FHOD3: variants seen among roughly 807,000 people sequenced by gnomAD.
FHOD3 encodes the protein FH1/FH2 domain-containing protein 3.
In FHOD3, 90 loss-of-function variants were observed where a neutral mutation model predicts 173.0. That is an observed-to-expected ratio of 0.52 (90% CI 0.44 to 0.62). The LOEUF (loss-of-function observed/expected upper bound fraction) is 0.62, where lower values mean the gene tolerates loss of function less well. Ranked by LOEUF, FHOD3 falls within the 20% of genes least tolerant of loss-of-function variation. The pLI is 0.00. For synonymous variants in FHOD3, 828 were observed against 823.0 expected (o/e 1.01, Z -0.10); for missense variants, 1,945 against 2,034.7 (o/e 0.96, Z 0.85).
At chr18:36,653,260 C>A in intron 12 of FHOD3, 82 bp from the exon 13 acceptor site, 2 of 1,136,918 alleles carry the variant, frequency 1.8e-6, no homozygotes, top group Admixed American at 2.4e-5. Flanking sequence ...GGCATGAAGT[C>A]TTTTTGACGC....
rs898688478 is a variant in FHOD3 at position 36,605,017 on chromosome 18, T to C, written c.813+2249T>C. Among the ~76,000 whole-genome samples, 2 of 152,344 alleles carry C rather than the reference T, an allele frequency of 1.3e-5. 1 individual carries two copies. The highest frequency in any genetic ancestry group is 6.8e-3 in the Middle Eastern group (2 of 294). On this transcript the variant is annotated intron_variant, in intron 8 of 28. Coordinates refer to ENST00000590592, the MANE Select transcript of FHOD3 (RefSeq NM_001281740.3). ...TGCCTTTTAATGAAGTATCATTTCT[T>C]GATGAACACCCAGGAAACTCCTATA...
intron 19 of FHOD3, among the ~76,000 whole-genome samples, chr18:36,728,056 A>G (rs941237587): frequency 2.1e-4 from 32 of 152,222 alleles, no homozygotes; most frequent in African/African-American, 7.2e-4. Context: ...AGCACAAGGC[A>G]TGGCCCACCA....
chr18:36,298,112 C>CG, intron 1 of FHOD3, 112 bp downstream of exon 1: 5 of 994,274 alleles, frequency 5.0e-6, no homozygotes, highest in Non-Finnish European at 6.8e-6. Context: ...GGGCGCGGCC[C>CG]GGGGGGACCA....
intron 3 of FHOD3, among the ~76,000 whole-genome samples, chr18:36,435,313 G>A (rs990218737): frequency 6.6e-6 from 1 of 151,974 alleles, no homozygotes; most frequent in Non-Finnish European, 1.5e-5. Flanking sequence ...AGAATTTAGT[G>A]CTAATGAAGG....
chr18:36,301,393 T>C (rs1273358818), intron 1 of FHOD3, among the ~76,000 whole-genome samples: 1 of 152,260 alleles, frequency 6.6e-6, no homozygotes, highest in African/African-American at 2.4e-5. Flanking sequence ...TTATTATGCT[T>C]TATCATTTTT....
intron 6 of FHOD3, among the ~76,000 whole-genome samples, chr18:36,587,995 C>T (rs749804251): frequency 6.6e-5 from 10 of 152,314 alleles, no homozygotes; most frequent in Admixed American, 2.0e-4. Context: ...CACATGGGTT[C>T]GGTGCTCATG....
chr18:36,453,495 C>G (rs973313658), intron 3 of FHOD3, among the ~76,000 whole-genome samples: 1 of 152,250 alleles, frequency 6.6e-6, no homozygotes, highest in Non-Finnish European at 1.5e-5. Context: ...TGGGCGTATG[C>G]CCCTACGTGC....
In FHOD3 at chr18:36,649,260, C is replaced by T. The variant is rs1289406188; in HGVS notation, c.1197-56C>T. Reference sequence around the variant, plus strand: ...CATCTTCCTGTTTGTCTGTAATGCTCATCTCACTTTTCCATGTTGTCTGTG... The same window carrying T: ...CATCTTCCTGTTTGTCTGTAATGCTTATCTCACTTTTCCATGTTGTCTGTG... On this transcript the variant is annotated intron_variant, in intron 10 of 28. Transcript: ENST00000590592. 4 of 1,266,958 alleles carry T rather than the reference C, an allele frequency of 3.2e-6. No individual in the cohort carries two copies. In the African/African-American group the frequency reaches 4.5e-5, roughly 14 times the overall value. The allele number at this position is 1,266,958 out of a possible 1,614,324, so 78.5% of individuals were successfully genotyped here.
intron 28 of FHOD3, chr18:36,779,238 G>T: frequency 1.7e-6 from 1 of 574,184 alleles, no homozygotes; most frequent in South Asian, 2.3e-5. Flanking sequence ...GGCATTGTTA[G>T]GCCAGCCTGT....
At chr18:36,655,181 A>G (rs2036333948) in intron 13 of FHOD3, among the ~76,000 whole-genome samples, 1 of 151,436 alleles carries the variant, frequency 6.6e-6, no homozygotes, top group South Asian at 2.1e-4. Flanking sequence ...TATCTTTCAC[A>G]CAGTTTTTGC....
intron 3 of FHOD3, among the ~76,000 whole-genome samples, chr18:36,427,644 A>G (rs1188609765): frequency 6.6e-6 from 1 of 152,180 alleles, no homozygotes; most frequent in Non-Finnish European, 1.5e-5. Context: ...AGTAGCTGCT[A>G]TGGATCACTC....
At chr18:36,775,705 C>T (rs1036545188) in intron 28 of FHOD3, among the ~76,000 whole-genome samples, 1 of 152,170 alleles carries the variant, frequency 6.6e-6, no homozygotes, top group South Asian at 2.1e-4. Flanking sequence ...AGAAAAAGAA[C>T]TTGGGTGTTT....
chr18:36,517,615 C>A (rs2056061811), intron 5 of FHOD3, among the ~76,000 whole-genome samples: 1 of 152,202 alleles, frequency 6.6e-6, no homozygotes, highest in Admixed American at 6.5e-5. Context: ...TTGGTCATTT[C>A]ATCTAAACCA....
intron 24 of FHOD3, among the ~76,000 whole-genome samples, chr18:36,754,847 T>C (rs1448761176): frequency 1.3e-5 from 2 of 151,836 alleles, no homozygotes; most frequent in Non-Finnish European, 2.9e-5. Flanking sequence ...GCCACCTAGA[T>C]ATAATCTCCA....
chr18:36,306,582 A>G (rs1365833413), intron 1 of FHOD3, among the ~76,000 whole-genome samples: 1 of 151,982 alleles, frequency 6.6e-6, no homozygotes, highest in Non-Finnish European at 1.5e-5. Flanking sequence ...AGGTCATATC[A>G]CTCCTCTGCT....
intron 3 of FHOD3, among the ~76,000 whole-genome samples, chr18:36,471,564 G>A (rs1278296359): frequency 1.3e-5 from 2 of 152,100 alleles, no homozygotes; most frequent in Non-Finnish European, 2.9e-5. Context: ...TCAGAACAAT[G>A]GTCTATTCAG....
At chr18:36,509,247 CTG>C (rs1396345218) in intron 4 of FHOD3, among the ~76,000 whole-genome samples, 2 of 152,028 alleles carry the variant, frequency 1.3e-5, no homozygotes, top group Admixed American at 1.3e-4. Flanking sequence ...CCTAATAAAA[CTG>C]TGAAAAACAG....
Position 36,452,463 on chromosome 18 carries a change from A to G in FHOD3, c.338-49469A>G, listed in dbSNP as rs534546974. Among the ~76,000 whole-genome samples, 8 of 152,360 alleles carry G rather than the reference A, an allele frequency of 5.3e-5. No individual in the cohort carries two copies. The East Asian group carries it at 1.2e-3, about 22-fold the overall frequency. ...TAAAATAATTGTAAGAACATTTAAC[A>G]TAAGATCTATCCTTTTAACAATTGT... On this transcript the variant is annotated intron_variant, in intron 3 of 28. Coordinates refer to ENST00000590592, the MANE Select transcript of FHOD3 (RefSeq NM_001281740.3).
intron 4 of FHOD3, among the ~76,000 whole-genome samples, chr18:36,504,486 G>A (rs555581479): frequency 1.7e-4 from 25 of 151,504 alleles, no homozygotes; most frequent in South Asian, 6.2e-4. Context: ...GTAAACTATC[G>A]CAAGGACAAA....
Sources: allele counts gnomAD v4.1 joint callset (sites outside exome capture counted in the v4.1 genomes callset), GRCh38; gene constraint gnomAD v4.1.1; transcripts MANE v1.5; gene names NCBI Gene and HGNC (gene_info 2026-07-23, HGNC 2026-07-21).